The following TEX11 variants were observed in gnomAD, a reference collection of about 807,000 sequenced individuals.
The protein encoded by TEX11 is testis-expressed protein 11.
TEX11 carries 7 observed loss-of-function variants against 84.4 expected under a neutral mutation model. The ratio of observed to expected loss-of-function variants is 0.08; its 90% CI spans 0.05 to 0.16. The LOEUF is 0.16. Ranked by LOEUF, TEX11 falls within the 10% of genes least tolerant of loss-of-function variation. The probability of loss-of-function intolerance (pLI) is 1.00; values close to 1 mark genes in which losing one functional copy is unlikely to be tolerated. For synonymous variants in TEX11, 264 were observed against 222.8 expected (o/e 1.18, Z -1.64); for missense variants, 551 against 660.5 (o/e 0.83, Z 1.82).
intron 11 of TEX11, among the ~76,000 whole-genome samples, chrX:70,734,946 T>C (rs2090684379): frequency 8.9e-6 from 1 of 112,274 alleles, no homozygotes; most frequent in Non-Finnish European, 1.9e-5. Context: ...GCCAATTCTA[T>C]TTAACATAGT....
At chrX:70,900,687 C>T (rs748750229) in intron 2 of TEX11, among the ~76,000 whole-genome samples, 82 of 110,470 alleles carry the variant, frequency 7.4e-4, no homozygotes, top group South Asian at 4.7e-3. Context: ...GTAGTGGTGA[C>T]TCATGCCTAT....
chrX:70,806,852 G>A, intron 8 of TEX11, 62 bp from the exon 9 acceptor site: 2 of 813,679 alleles, frequency 2.5e-6, no homozygotes, highest in Non-Finnish European at 3.5e-6. Context: ...CACTTTGGGA[G>A]GCCGAGGTGG....
chrX:70,729,347 G>A (rs1019822292), intron 11 of TEX11, among the ~76,000 whole-genome samples: 6 of 111,959 alleles, frequency 5.4e-5, no homozygotes, highest in African/African-American at 1.3e-4. Flanking sequence ...GGCTTCAGAC[G>A]ATTAAACTAC....
At chrX:70,656,269 T>A (rs201222121) in intron 16 of TEX11, among the ~76,000 whole-genome samples, 2 of 45,286 alleles carry the variant, frequency 4.4e-5, no homozygotes, top group East Asian at 1.2e-3. Context: ...AACAAAAAAA[T>A]TTTTTTAAAT....
At position 70,821,387 on chromosome X, in the gene TEX11, G is replaced by T. The variant is rs1242044072; in HGVS notation, c.606+12126C>A. 2.7e-5 allele frequency among the ~76,000 whole-genome samples: 3 copies of T among 111,634 alleles called. 1 individual carries two copies. Among genetic ancestry groups the T allele is most frequent in the Admixed American group, 1.9e-4 (2 of 10,515 alleles). The stretch of plus-strand genomic sequence containing the variant: ...GGAGAGGCCTGGTGGGAGGTGATTG[G>T]ATCATAGGGGTGGATTTCCCTTTTG... On this transcript the variant is annotated intron_variant, in intron 8 of 29. Transcript: ENST00000374333.
chrX:70,770,314 T>C (rs1330142928), intron 9 of TEX11, among the ~76,000 whole-genome samples: 1 of 112,325 alleles, frequency 8.9e-6, no homozygotes, highest in Non-Finnish European at 1.9e-5. Context: ...TGGTGATATA[T>C]ATTCCTACCT....
chrX:70,882,741 A>G (rs889105881), intron 2 of TEX11, among the ~76,000 whole-genome samples: 1 of 109,924 alleles, frequency 9.1e-6, no homozygotes, highest in Non-Finnish European at 1.9e-5. Flanking sequence ...TGATCATGCC[A>G]CGGCACTCCA....
intron 17 of TEX11, among the ~76,000 whole-genome samples, chrX:70,643,757 T>C (rs1228095669): frequency 5.9e-5 from 6 of 101,536 alleles, no homozygotes; most frequent in South Asian, 4.8e-4. Flanking sequence ...TTACACCTTA[T>C]ACAAAAATCA....
At chrX:70,877,576 T>C (rs927690756) in intron 3 of TEX11, among the ~76,000 whole-genome samples, 1 of 111,886 alleles carries the variant, frequency 8.9e-6, no homozygotes. Flanking sequence ...GAAATTTCCA[T>C]ACCAATGCTC....
Position 70,639,558 on chromosome X carries a change from G to A in TEX11, c.1484-9823C>T, listed in dbSNP as rs368893888. On this transcript the variant is annotated intron_variant, in intron 17 of 29. Transcript: ENST00000374333. Reference sequence around the variant, plus strand: ...AAGAGAGCAGGGGTTCTCCCAGTACGCAGCTGGAGATCTGAGAACGGGCAG... The same window carrying A: ...AAGAGAGCAGGGGTTCTCCCAGTACACAGCTGGAGATCTGAGAACGGGCAG... 5.8e-4 allele frequency among the ~76,000 whole-genome samples: 65 copies of A among 111,870 alleles called. No homozygotes were observed. The East Asian group carries it at 6.2e-3, about 11-fold the overall frequency.
chrX:70,599,670 TC>T (rs2089065306), intron 24 of TEX11, among the ~76,000 whole-genome samples: 1 of 48,930 alleles, frequency 2.0e-5, no homozygotes, highest in Non-Finnish European at 3.6e-5. Context: ...TCCCTCCCCC[TC>T]CCCCCACCCC....
At chrX:70,903,712 A>C (rs760815931) in intron 2 of TEX11, among the ~76,000 whole-genome samples, 2 of 110,556 alleles carry the variant, frequency 1.8e-5, no homozygotes, top group Non-Finnish European at 3.8e-5. Context: ...ATCTGAAGAC[A>C]CTTTCCGGGG....
At chrX:70,713,472 T>C (rs1423359583) in intron 13 of TEX11, among the ~76,000 whole-genome samples, 5 of 112,003 alleles carry the variant, frequency 4.5e-5, no homozygotes, top group African/African-American at 1.6e-4. Context: ...TGGCAGAGCC[T>C]GTTATTGGTC....
intron 23 of TEX11, among the ~76,000 whole-genome samples, chrX:70,605,932 C>G (rs2089190476): frequency 9.0e-6 from 1 of 111,701 alleles, no homozygotes; most frequent in African/African-American, 3.2e-5. Context: ...GAGGCATTGT[C>G]AAATCTTGAC....
intron 7 of TEX11, 126 bp from the exon 8 acceptor site, chrX:70,833,719 C>T: frequency 1.9e-6 from 1 of 517,120 alleles, no homozygotes; most frequent in South Asian, 3.1e-5. Flanking sequence ...TTTAGCAATA[C>T]TAGTTGTTCA....
rs1224568837 is a variant in TEX11, at chrX:70,541,926, T to G, written c.2520+10200A>C. ...ATATGAACCTACATAGGTTGATAGG[T>G]TTGTCTGCTTAAGCCTGGGAGTCAT... On this transcript the variant is annotated intron_variant, in intron 28 of 29. Coordinates refer to ENST00000374333, the MANE Select transcript of TEX11 (RefSeq NM_031276.3). Among the ~76,000 whole-genome samples, 9 of 112,000 alleles carry G rather than the reference T, an allele frequency of 8.0e-5. No individual in the cohort carries two copies. The Admixed American group carries it at 8.5e-4, about 11-fold the overall frequency.
At chrX:70,900,865 G>A (rs1481784000) in intron 2 of TEX11, among the ~76,000 whole-genome samples, 3 of 110,881 alleles carry the variant, frequency 2.7e-5, no homozygotes, top group East Asian at 2.8e-4. Context: ...AATTGCTTGC[G>A]CCTGGGAGGT....
chrX:70,833,573 A>G lies in TEX11; in HGVS notation c.546T>C (p.Phe182=), dbSNP rs1318207085. Reference sequence around the variant, plus strand: ...GCAGTACACACATAGATGCTCTTTGAAAATCCCCTTGAGCAACTGCCTGAA... The same window carrying G: ...GCAGTACACACATAGATGCTCTTTGGAAATCCCCTTGAGCAACTGCCTGAA... The part of the protein sequence containing the change: ...QAESAVAQGD[F]QRASMCVLQC... Residue 182 remains phenylalanine (F), a synonymous_variant, in exon 8 of 30, where the codon TTT becomes TTC. Transcript: ENST00000374333. The G allele has an allele frequency of 5.0e-6, 6 of 1,202,025 alleles. No individual in the cohort carries two copies. Among genetic ancestry groups the G allele is most frequent in the Non-Finnish European group, 5.6e-6 (5 of 891,437 alleles).
At chrX:70,866,909 CA>C (rs1307661438) in intron 4 of TEX11, among the ~76,000 whole-genome samples, 1 of 111,958 alleles carries the variant, frequency 8.9e-6, no homozygotes, top group Non-Finnish European at 1.9e-5. Context: ...AACCCATAGC[CA>C]ATATCATACT....
Sources: gnomAD v4.1 joint callset for allele counts (sites outside exome capture counted in the v4.1 genomes callset) on GRCh38, gnomAD v4.1.1 for gene constraint, MANE v1.5 for transcripts, NCBI Gene and HGNC (gene_info 2026-07-23, HGNC 2026-07-21) for gene names.